Variants in SETD2 observed in about 807,000 individuals in gnomAD.
The protein encoded by SETD2 is histone-lysine N-methyltransferase SETD2.
In SETD2, 31 loss-of-function variants were observed where a neutral mutation model predicts 242.1. The observed-to-expected ratio is 0.13, with a 90% CI of 0.10 to 0.17. SETD2 has a LOEUF of 0.17. Ranked by LOEUF, SETD2 falls within the 10% of genes least tolerant of loss-of-function variation. The probability of loss-of-function intolerance (pLI) is 1.00; values close to 1 mark genes in which losing one functional copy is unlikely to be tolerated. For synonymous variants in SETD2, 1,006 were observed against 1,066.5 expected, an observed-to-expected ratio of 0.94 and a Z score of 1.11; for missense variants, 2,481 against 3,046.3, an observed-to-expected ratio of 0.81 and a Z score of 4.37.
At chr3:47,070,250 T>C (rs1289183956) in intron 12 of SETD2, among the ~76,000 whole-genome samples, 2 of 152,212 alleles carry the variant, frequency 1.3e-5, no homozygotes, top group African/African-American at 4.8e-5. Context: ...AAAATGTATT[T>C]TGATGTTCAC....
intron 2 of SETD2, among the ~76,000 whole-genome samples, chr3:47,126,258 G>A (rs956790141): frequency 2.0e-5 from 3 of 152,186 alleles, no homozygotes; most frequent in Non-Finnish European, 4.4e-5. Context: ...CTGACCTCAA[G>A]TGATCCACCT....
intron 12 of SETD2, 140 bp downstream of exon 12, chr3:47,083,578 CTT>C (rs2041408197): frequency 1.3e-6 from 1 of 781,766 alleles, no homozygotes; most frequent in Non-Finnish European, 2.0e-6. Flanking sequence ...GTTTGAGACA[CTT>C]ATAAATAAAA....
intron 15 of SETD2, among the ~76,000 whole-genome samples, chr3:47,053,295 T>A (rs969601574): frequency 1.3e-5 from 2 of 152,168 alleles, no homozygotes; most frequent in Admixed American, 1.3e-4. Context: ...TAATAAAAAA[T>A]CATTATTACT....
Position 47,122,297 on chromosome 3 carries a change from T to C in SETD2, c.2339A>G (p.Asp780Gly), listed in dbSNP as rs1203428501. ...GGTTTTGCAGCAAGAAACCCTCGTA[T>C]CAACTGGTTCTTTAACTACTGTTTT... is the stretch of plus-strand genomic sequence containing the variant. ...YSKTVVKEPVDTRVSCCKTKD... is the reference protein window; with the variant it reads ...YSKTVVKEPVGTRVSCCKTKD... The change falls in exon 3 of 21, where the codon GAT becomes GGT. Residue 780 changes from aspartate to glycine, a missense_variant. Physicochemically the swap from Asp to Gly is moderately conservative, Grantham distance 94 (BLOSUM62 -1). Around this residue, in one of 17 missense-constraint regions of SETD2, gnomAD observed 1,300 missense variants for 1,259.2 expected, o/e 1.03. Coordinates refer to ENST00000409792, the MANE Select transcript of SETD2 (RefSeq NM_014159.7). The C allele has an allele frequency of 6.2e-7, 1 of 1,614,182 alleles. No homozygotes were observed. Among genetic ancestry groups the C allele is most frequent in the South Asian group, 1.1e-5 (1 of 91,084 alleles).
At chr3:47,152,448 A>G (rs1351609357) in intron 1 of SETD2, among the ~76,000 whole-genome samples, 4 of 152,352 alleles carry the variant, frequency 2.6e-5, no homozygotes. Context: ...ATTTCTATAG[A>G]AAGAGTTTTT....
intron 7 of SETD2, 41 bp from the exon 8 acceptor site, chr3:47,101,596 T>TGG (rs1553694852): frequency 1.0e-6 from 1 of 985,694 alleles, no homozygotes; most frequent in African/African-American, 2.0e-5. Flanking sequence ...AGTAACTTAT[T>TGG]AGTGTGTGTG....
intron 18 of SETD2, among the ~76,000 whole-genome samples, chr3:47,027,336 C>CAAAAAAAAAAAAAAA (rs145911577): frequency 9.6e-6 from 1 of 103,738 alleles, no homozygotes. Flanking sequence ...GACTCCATCT[C>CAAAAAAAAAAAAAAA]AAAAAAAAAA....
chr3:47,145,241 A>G (rs537774348), intron 1 of SETD2, among the ~76,000 whole-genome samples: 1 of 152,192 alleles, frequency 6.6e-6, no homozygotes, highest in Non-Finnish European at 1.5e-5. Context: ...TATACACGAG[A>G]TATCTTGGGG....
intron 1 of SETD2, among the ~76,000 whole-genome samples, chr3:47,152,671 A>T (rs932227717): frequency 6.6e-6 from 1 of 152,214 alleles, no homozygotes; most frequent in African/African-American, 2.4e-5. Flanking sequence ...CATGAAGCAA[A>T]TAGTGTTGAT....
chr3:47,034,471 C>T, intron 18 of SETD2, among the ~76,000 whole-genome samples: 1 of 152,118 alleles, frequency 6.6e-6, no homozygotes, highest in East Asian at 1.9e-4. Context: ...TTTTGCAGGC[C>T]TCTAAAGTCC....
chr3:47,069,766 A>C (rs1469684722), intron 12 of SETD2, among the ~76,000 whole-genome samples: 1 of 152,190 alleles, frequency 6.6e-6, no homozygotes, highest in African/African-American at 2.4e-5. Context: ...GTAATACTGA[A>C]TCAGGAATAA....
At position 47,122,632 on chromosome 3, in the gene SETD2, G is replaced by A. The variant is rs778126699; in HGVS notation, c.2004C>T (p.Pro668=). The A allele has an allele frequency of 6.2e-7, 1 of 1,613,612 alleles. No individual in the cohort carries two copies. The highest frequency in any genetic ancestry group is 2.2e-5 in the East Asian group (1 of 44,866). Residue 668 remains proline (P), a synonymous_variant, in exon 3 of 21, where the codon CCC becomes CCT. Transcript: ENST00000409792. ...GAGATCCATTTATATTTAATTCTAT[G>A]GGACAAAAACTTCTTAATTGATCAT... The part of the protein sequence containing the change: ...VKNDQLRSFC[P]IELNINGSPG...
rs191571068 is a variant in SETD2, at chr3:47,147,479, C to T, written c.71+16375G>A. 2.6e-5 allele frequency among the ~76,000 whole-genome samples: 4 copies of T among 151,744 alleles called. No homozygotes were observed. The East Asian group carries it at 7.8e-4, about 30-fold the overall frequency. ...CTGGGACTACAGGCATGCACCACCA[C>T]GCCCAGCTAATTGTTGTATTTTTAG... On this transcript the variant is annotated intron_variant, in intron 1 of 20. Transcript: ENST00000409792.
intron 5 of SETD2, among the ~76,000 whole-genome samples, chr3:47,111,393 C>T (rs1195751751): frequency 6.6e-6 from 1 of 151,988 alleles, no homozygotes; most frequent in Admixed American, 6.6e-5. Context: ...AGTGAGGACC[C>T]CATCTCTACA....
Position 47,120,248 on chromosome 3 carries a change from C to T in SETD2, c.4388G>A (p.Cys1463Tyr), listed in dbSNP as rs2043017731. 6.2e-7 allele frequency: 1 copy of T among 1,601,374 alleles called. No individual in the cohort carries two copies. Among genetic ancestry groups the T allele is most frequent in the East Asian group, 2.2e-5 (1 of 44,740 alleles). ...ACATGGCATTTTCCCTTGCTTGGCA[C>T]ATTCCTTCCATCGCTGTGGGTCCCT... ...DFRDPQRWKE[C>Y]AKQGKMPCYF... The change falls in exon 3 of 21, where the codon TGT becomes TAT. Residue 1463 changes from cysteine to tyrosine, a missense_variant. Around this residue, in one of 17 missense-constraint regions of SETD2, gnomAD observed 48 missense variants for 76.6 expected, o/e 0.63. Coordinates refer to ENST00000409792, the MANE Select transcript of SETD2 (RefSeq NM_014159.7).
At chr3:47,070,825 A>G (rs777803510) in intron 12 of SETD2, among the ~76,000 whole-genome samples, 2 of 152,232 alleles carry the variant, frequency 1.3e-5, no homozygotes, top group East Asian at 1.9e-4. Flanking sequence ...TTTCAGATCT[A>G]TAAGGTCTCA....
intron 18 of SETD2, among the ~76,000 whole-genome samples, chr3:47,024,287 G>A (rs6442052): frequency 0.95 from 144,762 of 152,008 alleles, 69,362 homozygotes; most frequent in East Asian, 1. Context: ...CCTGGCTAAC[G>A]AGGTGAAACA....
At chr3:47,100,656 C>G (rs1386682426) in intron 8 of SETD2, among the ~76,000 whole-genome samples, 1 of 152,120 alleles carries the variant, frequency 6.6e-6, no homozygotes, top group Non-Finnish European at 1.5e-5. Flanking sequence ...AATAAGAACT[C>G]TCACACTTTT....
At chr3:47,031,156 C>T (rs749932241) in intron 18 of SETD2, among the ~76,000 whole-genome samples, 1 of 152,204 alleles carries the variant, frequency 6.6e-6, no homozygotes, top group Non-Finnish European at 1.5e-5. Context: ...TGAAACTATT[C>T]TGTACGTTAC....
Sources: gnomAD v4.1 joint callset for allele counts (sites outside exome capture counted in the v4.1 genomes callset) on GRCh38, gnomAD v4.1.1 for gene constraint, gnomAD v4.1.1 regional missense constraint, MANE v1.5 for transcripts, NCBI Gene and HGNC (gene_info 2026-07-23, HGNC 2026-07-21) for gene names.